SCN10A: variants seen among roughly 807,000 people sequenced by gnomAD.
SCN10A encodes sodium channel protein type 10 subunit alpha.
Under a neutral mutation model 170.7 loss-of-function variants are expected in SCN10A, and 162 were observed. The observed-to-expected ratio is 0.95, with a 90% CI of 0.84 to 1.08. The LOEUF is 1.08. SCN10A is among the 50% of genes least tolerant of loss of function. The probability of loss-of-function intolerance (pLI) is 0.00; values close to 1 mark genes in which losing one functional copy is unlikely to be tolerated. For synonymous variants in SCN10A, 985 were observed against 904.6 expected (o/e 1.09, Z -1.59); for missense variants, 2,527 against 2,436.9 (o/e 1.04, Z -0.78).
intron 1 of SCN10A, among the ~76,000 whole-genome samples, chr3:38,802,016 T>C (rs1236821733): frequency 1.3e-5 from 2 of 152,126 alleles, no homozygotes; most frequent in Non-Finnish European, 2.9e-5. Flanking sequence ...TCCACCAAAA[T>C]CAAGCTTCTC....
chr3:38,745,938 C>T (rs79657050), intron 13 of SCN10A, among the ~76,000 whole-genome samples: 4,063 of 151,048 alleles, frequency 0.027, 180 homozygotes, highest in African/African-American at 0.093. Flanking sequence ...GTGTCTGAGG[C>T]CTTCTTCTCT....
intron 13 of SCN10A, 90 bp downstream of exon 13, chr3:38,749,983 C>T (rs2063730322): frequency 2.9e-6 from 2 of 685,122 alleles, no homozygotes; most frequent in African/African-American, 3.5e-5. Context: ...GAGATGGACG[C>T]TTTGACACGA....
In SCN10A at chr3:38,789,054, A is replaced by C. The variant is rs369570716; in HGVS notation, c.390-18T>G. The C allele has an allele frequency of 3.9e-6, 6 of 1,524,640 alleles. No individual in the cohort carries two copies. Among genetic ancestry groups the C allele is most frequent in the Non-Finnish European group, 4.5e-6 (5 of 1,099,180 alleles). 94.4% of individuals were successfully genotyped at this position (1,524,640 alleles called of 1,614,324 possible). A position where few individuals can be genotyped will look rare whatever the true frequency, so the allele number is the denominator to read the frequency against. ...TGAACCACCTGAAAGGCCTGTGTTA[A>C]GGAAAAGCTGAGATCACCAAGTCTC... On this transcript the variant is annotated intron_variant, in intron 3 of 27. Coordinates refer to ENST00000449082, the MANE Select transcript of SCN10A (RefSeq NM_006514.4).
chr3:38,776,701 T>C (rs2064079327), intron 4 of SCN10A, among the ~76,000 whole-genome samples: 1 of 152,086 alleles, frequency 6.6e-6, no homozygotes, highest in Non-Finnish European at 1.5e-5. Flanking sequence ...AGAGATGAAT[T>C]GCTCTGCTAA....
intron 8 of SCN10A, among the ~76,000 whole-genome samples, 156 bp downstream of exon 8, chr3:38,760,525 C>T (rs936193510): frequency 6.6e-6 from 1 of 152,200 alleles, no homozygotes; most frequent in Non-Finnish European, 1.5e-5. Context: ...CTCATACATT[C>T]CCTCCCCATG....
intron 13 of SCN10A, among the ~76,000 whole-genome samples, chr3:38,749,120 G>A (rs551352401): frequency 6.6e-6 from 1 of 152,338 alleles, no homozygotes; most frequent in Middle Eastern, 3.4e-3. Context: ...GCTTTACCTA[G>A]AAAGTAGGGC....
chr3:38,710,769 T>C (rs977683554), intron 24 of SCN10A, 75 bp downstream of exon 24: 12 of 1,436,358 alleles, frequency 8.4e-6, no homozygotes, highest in Non-Finnish European at 1.1e-5. Flanking sequence ...TCATCGTCAC[T>C]TCATTTCAAA....
chr3:38,799,848 G>A (rs887375429), intron 1 of SCN10A, among the ~76,000 whole-genome samples: 3 of 152,226 alleles, frequency 2.0e-5, no homozygotes, highest in Non-Finnish European at 4.4e-5. Flanking sequence ...GCCAACTGAT[G>A]ACTTAACAGT....
At chr3:38,772,490 C>T (rs1657758390) in intron 4 of SCN10A, among the ~76,000 whole-genome samples, 1 of 152,018 alleles carries the variant, frequency 6.6e-6, no homozygotes, top group Non-Finnish European at 1.5e-5. Context: ...GAGATCGAGA[C>T]CATCCTGGCT....
chr3:38,698,694 C>T, intron 27 of SCN10A, 132 bp from the exon 28 acceptor site: 1 of 797,174 alleles, frequency 1.3e-6, no homozygotes, highest in East Asian at 2.6e-5. Context: ...ACTCTGGGCC[C>T]TCAGAGCCTG....
At chr3:38,760,623 G>T in intron 8 of SCN10A, 58 bp downstream of exon 8, 1 of 1,339,520 alleles carries the variant, frequency 7.5e-7, no homozygotes, top group South Asian at 1.2e-5. Flanking sequence ...ATATGCCAAG[G>T]ACAAGATGGA....
Position 38,772,369 on chromosome 3 carries a change from AAG to A in SCN10A, c.471-964_471-963del, listed in dbSNP as rs370467140. On this transcript the variant is annotated intron_variant, in intron 4 of 27. Transcript: ENST00000449082. ...GAAAAGAAAAGAAAAAGAGACAATA[AAG>A]AGGGCAGAAGAAGAGTTAGAGAAAT... is the stretch of plus-strand genomic sequence containing the variant. 9.3e-3 allele frequency among the ~76,000 whole-genome samples: 1,415 copies of A among 151,998 alleles called. 8 individuals carry two copies. The highest frequency in any genetic ancestry group is 0.027 in the Middle Eastern group (8 of 292).
At chr3:38,768,840 A>G (rs2063964844) in intron 5 of SCN10A, among the ~76,000 whole-genome samples, 1 of 152,224 alleles carries the variant, frequency 6.6e-6, no homozygotes, top group Non-Finnish European at 1.5e-5. Context: ...ATTCCCTCAA[A>G]TAAGTTTTCC....
chr3:38,799,889 C>G (rs917217989), intron 1 of SCN10A, among the ~76,000 whole-genome samples: 2 of 152,114 alleles, frequency 1.3e-5, no homozygotes, highest in Non-Finnish European at 2.9e-5. Context: ...TTCGCTGGTC[C>G]TATAAGCTTG....
intron 1 of SCN10A, among the ~76,000 whole-genome samples, chr3:38,812,651 G>A (rs771598087): frequency 2.0e-5 from 3 of 152,092 alleles, no homozygotes; most frequent in Non-Finnish European, 4.4e-5. Context: ...GTTTTCTGTT[G>A]TCAGAGTCAG....
At chr3:38,719,494 C>T (rs1056694955) in intron 20 of SCN10A, among the ~76,000 whole-genome samples, 14 of 148,272 alleles carry the variant, frequency 9.4e-5, no homozygotes, top group African/African-American at 2.0e-4. Context: ...CCCAGGTTCA[C>T]GCCATTCTCC....
chr3:38,759,924 T>C (rs2063850102), intron 8 of SCN10A, among the ~76,000 whole-genome samples: 2 of 152,232 alleles, frequency 1.3e-5, no homozygotes, highest in Non-Finnish European at 2.9e-5. Flanking sequence ...CTGATACATG[T>C]GTTTTTTCCT....
At chr3:38,797,075 G>C (rs1269451403) in intron 1 of SCN10A, among the ~76,000 whole-genome samples, 1 of 152,024 alleles carries the variant, frequency 6.6e-6, no homozygotes, top group Non-Finnish European at 1.5e-5. Flanking sequence ...AGGAACCAAA[G>C]AGATTATTGA....
intron 19 of SCN10A, 47 bp downstream of exon 19, chr3:38,723,383 G>A (rs2125998244): frequency 6.2e-7 from 1 of 1,610,410 alleles, no homozygotes; most frequent in Non-Finnish European, 8.5e-7. Context: ...ACTGGATTCT[G>A]GCCCTAATTA....
Sources: allele counts gnomAD v4.1 joint callset (sites outside exome capture counted in the v4.1 genomes callset), GRCh38; gene constraint gnomAD v4.1.1; transcripts MANE v1.5; gene names NCBI Gene and HGNC (gene_info 2026-07-23, HGNC 2026-07-21).